N4BP3: variants seen among roughly 807,000 people sequenced by gnomAD.
N4BP3 encodes the protein NEDD4 binding protein 3, also known as NEDD4-binding protein 3.
N4BP3 carries 33 observed loss-of-function variants against 43.8 expected under a neutral mutation model. That is an observed-to-expected ratio of 0.75 (90% confidence interval 0.57 to 1.01). The LOEUF (loss-of-function observed/expected upper bound fraction) is 1.01. Among genes scored for constraint, N4BP3 ranks in the 50% least tolerant of loss-of-function variants. The pLI is 0.00. For synonymous variants in N4BP3, 326 were observed against 321.9 expected (o/e 1.01, Z -0.14); for missense variants, 756 against 744.2 (o/e 1.02, Z -0.18).
intron 1 of N4BP3, among the ~76,000 whole-genome samples, chr5:178,119,280 A>G (rs3935147): frequency 0.3 from 46,252 of 152,024 alleles, 7,287 homozygotes; most frequent in Middle Eastern, 0.41. Context: ...CCCGAGGTGG[A>G]GCTGGCCCTT....
rs1757995242 is a variant in N4BP3 at position 178,124,119 on chromosome 5, C to T, written c.*2118C>T. 1 of 152,794 alleles carries T rather than the reference C, an allele frequency of 6.5e-6. No homozygotes were observed. The highest frequency in any genetic ancestry group is 1.5e-5 in the Non-Finnish European group (1 of 68,128). 9.5% of individuals were successfully genotyped at this position (152,794 alleles called of 1,614,324 possible). On this transcript the variant is annotated 3_prime_UTR_variant, in exon 5 of 5. Transcript: ENST00000274605. ...GGCCAGATGCCTTGATCACAGCCTC[C>T]ATGGCCAGGGGCCTGTCAAGCCAGG...
chr5:178,119,468 C>T, intron 1 of N4BP3, 86 bp from the exon 2 acceptor site: 1 of 1,001,444 alleles, frequency 1.0e-6, no homozygotes, highest in Non-Finnish European at 1.5e-6. Flanking sequence ...TGGGGAGCTA[C>T]AGGGAGCAAG....
chr5:178,120,674 A>C lies in N4BP3; in HGVS notation c.827A>C (p.Glu276Ala). The change falls in exon 3 of 5, where the codon GAG (glutamate) becomes GCG (alanine). Residue 276 changes from glutamate to alanine, a missense_variant. By Grantham distance (107) the Glu-to-Ala change is moderately radical (BLOSUM62 -1). Transcript: ENST00000274605. ...GAGCTCAAGAGGGGCCTTGGCGATG[A>C]GGACGGCTCCAACCCCTTCACGCAG... ...CEELKRGLGD[E>A]DGSNPFTQVL... 6.3e-7 allele frequency: 1 copy of C among 1,599,808 alleles called. No individual in the cohort carries two copies. Among genetic ancestry groups the C allele is most frequent in the South Asian group, 1.1e-5 (1 of 90,944 alleles).
In N4BP3 at chr5:178,121,851, G is replaced by A. The variant is rs1409663861; in HGVS notation, c.1485G>A (p.Glu495=). 19 of 1,608,266 alleles carry A rather than the reference G, an allele frequency of 1.2e-5. No individual in the cohort carries two copies. Among genetic ancestry groups the A allele is most frequent in the South Asian group, 3.3e-5 (3 of 90,720 alleles). Residue 495 remains glutamate, a synonymous_variant, in exon 5 of 5, where the codon GAG becomes GAA. Coordinates refer to ENST00000274605, the MANE Select transcript of N4BP3 (RefSeq NM_015111.2). The part of the protein sequence containing the change: ...RFEQERRTWQ[E]EKERVLRYQR... ...AGCAGGAGCGGCGGACTTGGCAGGA[G>A]GAGAAGGAGCGCGTGCTGCGCTACC...
Position 178,121,456 on chromosome 5 carries a change from G to A in N4BP3, c.1108-18G>A, listed in dbSNP as rs763432377. Reference sequence around the variant, plus strand: ...GCTCCCCACACCCTACTTTGCTTGCGTCCTCCCCATCCCCCAGGTGTGCCA... The same window carrying A: ...GCTCCCCACACCCTACTTTGCTTGCATCCTCCCCATCCCCCAGGTGTGCCA... On this transcript the variant is annotated intron_variant, in intron 4 of 4. Transcript: ENST00000274605. 1.1e-5 allele frequency: 17 copies of A among 1,613,674 alleles called. No homozygotes were observed. The Admixed American group carries it at 1.3e-4, about 13-fold the overall frequency.
Position 178,121,357 on chromosome 5 carries a change from G to C in N4BP3, c.1107+5G>C. On this transcript the variant is annotated splice_donor_5th_base_variant and intron_variant, in intron 4 of 4. Coordinates refer to ENST00000274605, the MANE Select transcript of N4BP3 (RefSeq NM_015111.2). ...GAGGAGGAAGCCCGATGGGAGGTGA[G>C]AGATGACACAGGGCTCCGAGACTCT... 2 of 1,603,194 alleles carry C rather than the reference G, an allele frequency of 1.2e-6. No homozygotes were observed. The highest frequency in any genetic ancestry group is 1.7e-6 in the Non-Finnish European group (2 of 1,173,522).
In N4BP3 at chr5:178,119,791, A is replaced by G. The variant is rs776905066; in HGVS notation, c.208A>G (p.Lys70Glu). ...CCCCAAGAAGGACAGCAAGAGCACCAAGAACACCAAGCGGGCCCCTCGGAA... is the reference window on the plus strand; with the variant it reads ...CCCCAAGAAGGACAGCAAGAGCACCGAGAACACCAAGCGGGCCCCTCGGAA... Reference protein sequence around the residue: ...HLPKKDSKSTKNTKRAPRNEP... With the variant: ...HLPKKDSKSTENTKRAPRNEP... The change falls in exon 2 of 5, where the codon AAG (lysine) becomes GAG (glutamate). Residue 70 changes from lysine (K) to glutamate (E), a missense_variant. Coordinates refer to ENST00000274605, the MANE Select transcript of N4BP3 (RefSeq NM_015111.2). 6.2e-7 allele frequency: 1 copy of G among 1,613,386 alleles called. No homozygotes were observed. The highest frequency in any genetic ancestry group is 1.3e-5 in the African/African-American group (1 of 74,926).
Position 178,113,553 on chromosome 5 carries a change from C to G in N4BP3, c.-249C>G, listed in dbSNP as rs1342489229. On this transcript the variant is annotated 5_prime_UTR_variant, in exon 1 of 5. Transcript: ENST00000274605. ...CCGGGTTTTCCCTCCGCCTTTGGGG[C>G]AGGCGATCGAGCGCCGCGGAGCGCG... is the stretch of plus-strand genomic sequence containing the variant. The G allele has an allele frequency of 1.3e-5, 2 of 151,604 alleles. No homozygotes were observed. Among genetic ancestry groups the G allele is most frequent in the African/African-American group, 2.4e-5 (1 of 41,346 alleles). 9.4% of individuals were successfully genotyped at this position (151,604 alleles called of 1,614,324 possible).
Position 178,118,763 on chromosome 5 carries a change from G to A in N4BP3, c.-30-791G>A, listed in dbSNP as rs1252702105. ...GTTACCCCTCTCCCATGGGAAGGAG[G>A]GTCTCACTGGCCTTGGGTCTCTGTG... On this transcript the variant is annotated intron_variant, in intron 1 of 4. Coordinates refer to ENST00000274605, the MANE Select transcript of N4BP3 (RefSeq NM_015111.2). The surrounding 1 kb of genome is among the most constrained non-coding windows in gnomAD (Gnocchi z 5.4). Among the ~76,000 whole-genome samples, 1 of 152,160 alleles carries A rather than the reference G, an allele frequency of 6.6e-6. No homozygotes were observed. Among genetic ancestry groups the A allele is most frequent in the Non-Finnish European group, 1.5e-5 (1 of 68,016 alleles).
intron 2 of N4BP3, 85 bp downstream of exon 2, chr5:178,119,998 G>A: frequency 6.7e-7 from 1 of 1,485,508 alleles, no homozygotes; most frequent in Non-Finnish European, 9.0e-7. Context: ...GGTGGGGACG[G>A]GGCATGCTGA....
rs6601215 is a variant in N4BP3 at position 178,123,091 on chromosome 5, G to A, written c.*1090G>A. The A allele has an allele frequency of 1, 152,020 of 152,440 alleles. 75,804 individuals are homozygous for A. Among genetic ancestry groups the A allele is most frequent in the East Asian group, 1 (5,178 of 5,178 alleles). 9.4% of individuals were successfully genotyped at this position (152,440 alleles called of 1,614,324 possible). On this transcript the variant is annotated 3_prime_UTR_variant, in exon 5 of 5. Coordinates refer to ENST00000274605, the MANE Select transcript of N4BP3 (RefSeq NM_015111.2). ...GGGCTCCAGGACGGTCAGTCCTCCCGGATCCCTGCTCTCAGCTAAGGCTGG... is the reference window on the plus strand; with the variant it reads ...GGGCTCCAGGACGGTCAGTCCTCCCAGATCCCTGCTCTCAGCTAAGGCTGG...
Position 178,113,636 on chromosome 5 carries a change from T to TGCCGCTCC in N4BP3, c.-156_-149dup, listed in dbSNP as rs1190881770. ...CGCCCGCCCGCGTTTTCCCGGCGCC[T>TGCCGCTCC]GCCGCTCCGCCGCTCCGACCCGGCA... On this transcript the variant is annotated 5_prime_UTR_variant, in exon 1 of 5. Transcript: ENST00000274605. 5.9e-5 allele frequency: 9 copies of TGCCGCTCC among 151,822 alleles called. No individual in the cohort carries two copies. Among genetic ancestry groups the TGCCGCTCC allele is most frequent in the Admixed American group, 2.6e-4 (4 of 15,244 alleles). 9.4% of individuals were successfully genotyped at this position (151,822 alleles called of 1,614,324 possible).
In N4BP3 at chr5:178,119,741, G is replaced by T. The variant is rs754835735; in HGVS notation, c.158G>T (p.Arg53Leu). The change falls in exon 2 of 5, where the codon CGT (arginine) becomes CTT (leucine). Residue 53 changes from arginine to leucine, a missense_variant. Physicochemically the swap from Arg to Leu is moderately radical, Grantham distance 102. Coordinates refer to ENST00000274605, the MANE Select transcript of N4BP3 (RefSeq NM_015111.2). The part of the protein sequence containing the change: ...DGLLRKGLGQ[R>L]EFLSYLHLPK... ...CTCCTCCGGAAGGGCTTGGGCCAGC[G>T]TGAGTTCCTCAGCTACCTGCACCTC... The T allele has an allele frequency of 6.2e-7, 1 of 1,613,412 alleles. No individual in the cohort carries two copies. Among genetic ancestry groups the T allele is most frequent in the Non-Finnish European group, 8.5e-7 (1 of 1,180,014 alleles).
chr5:178,119,991 G>A lies in N4BP3; in HGVS notation c.330+78G>A, dbSNP rs552930706. 468 of 1,498,270 alleles carry A rather than the reference G, an allele frequency of 3.1e-4. 5 individuals are homozygous for A. The South Asian group carries it at 5.8e-3, about 18-fold the overall frequency. The allele number at this position is 1,498,270 out of a possible 1,614,324, so 92.8% of individuals were successfully genotyped here. ...GGAGACCCTGATGTTGGGATGGGGT[G>A]GGGACGGGGCATGCTGAGATACGAA... On this transcript the variant is annotated intron_variant, in intron 2 of 4. Coordinates refer to ENST00000274605, the MANE Select transcript of N4BP3 (RefSeq NM_015111.2).
intron 2 of N4BP3, 56 bp downstream of exon 2, chr5:178,119,969 G>A (rs1757873581): frequency 6.5e-7 from 1 of 1,529,012 alleles, no homozygotes; most frequent in Non-Finnish European, 8.8e-7. Flanking sequence ...TCTCCTTGGA[G>A]ACCCTGATGT....
chr5:178,120,079 C>T, intron 2 of N4BP3, 99 bp from the exon 3 acceptor site: 2 of 1,502,090 alleles, frequency 1.3e-6, no homozygotes, highest in South Asian at 2.7e-5. Context: ...GCCCCGCGGT[C>T]TCAAAGAGGA....
At chr5:178,113,813 C>A (rs1369691179) in intron 1 of N4BP3, 42 bp downstream of exon 1, 1 of 12,404 alleles carries the variant, frequency 8.1e-5, no homozygotes, top group East Asian at 1.8e-3. Context: ...GGGCTGGACT[C>A]GGGGGGTGGG....
intron 1 of N4BP3, among the ~76,000 whole-genome samples, chr5:178,114,603 C>A (rs981957073): frequency 1.3e-5 from 2 of 152,356 alleles, no homozygotes; most frequent in African/African-American, 4.8e-5. Flanking sequence ...CCTGGCTGTC[C>A]TCGGGAGGGA....
At chr5:178,119,160 G>A (rs10903275) in intron 1 of N4BP3, among the ~76,000 whole-genome samples, 57,409 of 152,054 alleles carry the variant, frequency 0.38, 12,043 homozygotes, top group Non-Finnish European at 0.47. Flanking sequence ...CACCGCGCCC[G>A]GCCAAGTTTG....
Sources: allele counts gnomAD v4.1 joint callset (sites outside exome capture counted in the v4.1 genomes callset), GRCh38; gene constraint gnomAD v4.1.1; non-coding constraint Gnocchi (gnomAD v3.1); transcripts MANE v1.5; gene names NCBI Gene and HGNC (gene_info 2026-07-23, HGNC 2026-07-21).